The following MLIP variants were observed in gnomAD, a reference collection of about 807,000 sequenced individuals.
MLIP encodes muscular LMNA-interacting protein.
MLIP carries 79 observed loss-of-function variants against 84.8 expected under a neutral mutation model. The ratio of observed to expected loss-of-function variants is 0.93; its 90% CI spans 0.78 to 1.12. The LOEUF is 1.12. MLIP is among the 50% of genes most tolerant of loss of function. MLIP has a pLI of 0.00. For missense variants in MLIP, 1,257 were observed against 1,160.6 expected (o/e 1.08, Z -1.21); for synonymous variants, 504 against 463.0 (o/e 1.09, Z -1.14).
At chr6:54,214,927 T>C (rs141787510) in intron 11 of MLIP, among the ~76,000 whole-genome samples, 16 of 152,306 alleles carry the variant, frequency 1.1e-4, no homozygotes, top group African/African-American at 2.6e-4. Flanking sequence ...CCTCTACACT[T>C]AATATTCAGG....
chr6:54,053,529 G>A (rs1167707096), intron 1 of MLIP, among the ~76,000 whole-genome samples: 2 of 152,136 alleles, frequency 1.3e-5, no homozygotes, highest in Non-Finnish European at 2.9e-5. Flanking sequence ...CAAGTGACAT[G>A]ATATTAATTT....
chr6:54,151,733 A>G (rs775871850), intron 5 of MLIP, among the ~76,000 whole-genome samples: 1 of 152,184 alleles, frequency 6.6e-6, no homozygotes, highest in African/African-American at 2.4e-5. Context: ...CATGATGGGT[A>G]TCTTATGCCA....
chr6:54,023,900 A>T (rs1763652763), intron 1 of MLIP, among the ~76,000 whole-genome samples: 1 of 152,214 alleles, frequency 6.6e-6, no homozygotes, highest in Non-Finnish European at 1.5e-5. Flanking sequence ...ACAGCAAAAG[A>T]GAAAAGAAAT....
At chr6:54,221,482 A>G (rs921779227) in intron 11 of MLIP, among the ~76,000 whole-genome samples, 1 of 152,138 alleles carries the variant, frequency 6.6e-6, no homozygotes, top group Non-Finnish European at 1.5e-5. Context: ...AGAGATCATA[A>G]TCTGCAAAAT....
chr6:54,125,890 C>A (rs1424329776), intron 3 of MLIP, among the ~76,000 whole-genome samples: 1 of 151,750 alleles, frequency 6.6e-6, no homozygotes, highest in Non-Finnish European at 1.5e-5. Context: ...TGGTGCCACA[C>A]CATCTTTATT....
intron 1 of MLIP, among the ~76,000 whole-genome samples, chr6:54,076,756 CCA>C (rs1355154766): frequency 6.6e-6 from 1 of 152,014 alleles, no homozygotes; most frequent in Non-Finnish European, 1.5e-5. Flanking sequence ...TCCTGTATTC[CCA>C]CAGTGAACAT....
chr6:54,139,065 ACAATT>A (rs1272896362), intron 4 of MLIP, among the ~76,000 whole-genome samples: 1 of 152,182 alleles, frequency 6.6e-6, no homozygotes, highest in Non-Finnish European at 1.5e-5. Context: ...ATGTCACAAA[ACAATT>A]CAAGTCAAAA....
intron 1 of MLIP, among the ~76,000 whole-genome samples, chr6:54,035,402 TATAA>T (rs1227667533): frequency 6.6e-6 from 1 of 152,008 alleles, no homozygotes; most frequent in Non-Finnish European, 1.5e-5. Flanking sequence ...GTTTAGCTAT[TATAA>T]ATAAAGCTGG....
intron 1 of MLIP, among the ~76,000 whole-genome samples, chr6:54,083,241 A>T (rs1767276456): frequency 1.3e-5 from 2 of 152,166 alleles, no homozygotes; most frequent in Non-Finnish European, 2.9e-5. Context: ...TAGTTTTTGT[A>T]GCCAAGTCAG....
intron 11 of MLIP, among the ~76,000 whole-genome samples, chr6:54,225,329 T>C (rs1018151810): frequency 1.2e-4 from 18 of 152,268 alleles, no homozygotes; most frequent in African/African-American, 4.3e-4. Context: ...AGCACAGTAT[T>C]GTACTGAATA....
At chr6:54,254,999 C>T (rs879303325) in intron 12 of MLIP, among the ~76,000 whole-genome samples, 2 of 152,100 alleles carry the variant, frequency 1.3e-5, no homozygotes, top group Non-Finnish European at 2.9e-5. Flanking sequence ...GACATATAAG[C>T]TCCATTATAC....
chr6:54,181,480 A>G (rs1283455170), intron 9 of MLIP, among the ~76,000 whole-genome samples: 1 of 152,088 alleles, frequency 6.6e-6, no homozygotes, highest in South Asian at 2.1e-4. Context: ...GGATTCAGGG[A>G]CCTCAAAAGC....
At chr6:54,235,378 A>G (rs576512383) in intron 12 of MLIP, among the ~76,000 whole-genome samples, 2 of 152,270 alleles carry the variant, frequency 1.3e-5, no homozygotes, top group South Asian at 4.1e-4. Context: ...AGTCCAAGTT[A>G]AATTATCCCT....
intron 1 of MLIP, chr6:54,099,724 C>T (rs1023859940): frequency 2.0e-5 from 3 of 152,052 alleles, no homozygotes; most frequent in Non-Finnish European, 4.4e-5. Context: ...CTGTGACGTT[C>T]AAAAACAAAG....
At chr6:54,246,248 A>G (rs1782072406) in intron 12 of MLIP, among the ~76,000 whole-genome samples, 1 of 152,160 alleles carries the variant, frequency 6.6e-6, no homozygotes, top group South Asian at 2.1e-4. Flanking sequence ...AATGAAGTGT[A>G]AGACCACGAC....
At chr6:54,143,916 ATAT>A (rs1439265335) in intron 4 of MLIP, among the ~76,000 whole-genome samples, 4 of 152,168 alleles carry the variant, frequency 2.6e-5, no homozygotes, top group African/African-American at 7.2e-5. Flanking sequence ...GGATGGCAAA[ATAT>A]TATAATAAAA....
At chr6:54,257,801 A>G (rs1160166449) in intron 13 of MLIP, among the ~76,000 whole-genome samples, 1 of 151,880 alleles carries the variant, frequency 6.6e-6, no homozygotes, top group Non-Finnish European at 1.5e-5. Flanking sequence ...AGCACCCCCA[A>G]CCCCACCTTC....
chr6:54,217,902 T>C, intron 11 of MLIP: 1 of 985,072 alleles, frequency 1.0e-6, no homozygotes, highest in Non-Finnish European at 1.2e-6. Context: ...AGAATAGTGA[T>C]CTCTAAAGTA....
At chr6:54,070,997 C>T (rs993398866) in intron 1 of MLIP, among the ~76,000 whole-genome samples, 1 of 151,996 alleles carries the variant, frequency 6.6e-6, no homozygotes, top group African/African-American at 2.4e-5. Flanking sequence ...ATCATGGACC[C>T]ATTGAATGCT....
Sources: allele counts gnomAD v4.1 joint callset (sites outside exome capture counted in the v4.1 genomes callset), GRCh38; gene constraint gnomAD v4.1.1; transcripts MANE v1.5; gene names NCBI Gene and HGNC (gene_info 2026-07-23, HGNC 2026-07-21).